Variants in FIG4 observed in about 807,000 individuals in gnomAD.
The protein encoded by FIG4 is FIG4 phosphoinositide 5-phosphatase.
A neutral mutation model predicts 118.6 loss-of-function variants in FIG4; 112 were observed. That is an observed-to-expected ratio of 0.94 (90% CI 0.81 to 1.11). FIG4 has a LOEUF of 1.11. FIG4 is among the 50% of genes least tolerant of loss of function. The pLI, the probability that FIG4 is intolerant of heterozygous loss-of-function variation, is 0.00. For missense variants in FIG4, 969 were observed against 1,111.7 expected (o/e 0.87, Z 1.83); for synonymous variants, 369 against 381.2 (o/e 0.97, Z 0.37).
At chr6:109,749,787 A>G (rs1776635021) in intron 10 of FIG4, among the ~76,000 whole-genome samples, 3 of 152,106 alleles carry the variant, frequency 2.0e-5, no homozygotes, top group African/African-American at 7.2e-5. Context: ...TCACATGTAC[A>G]TTTATTTTTT....
intron 1 of FIG4, among the ~76,000 whole-genome samples, chr6:109,692,705 T>A (rs1774535639): frequency 6.6e-6 from 1 of 151,888 alleles, no homozygotes. Context: ...ACTTTTTTTT[T>A]TTTCCCTTTG....
intron 22 of FIG4, among the ~76,000 whole-genome samples, chr6:109,805,060 T>A (rs1778526003): frequency 6.6e-6 from 1 of 152,182 alleles, no homozygotes; most frequent in Non-Finnish European, 1.5e-5. Context: ...TATTTGTAAG[T>A]TTTTACTTTA....
At chr6:109,730,756 A>C (rs189465281) in intron 4 of FIG4, among the ~76,000 whole-genome samples, 316 of 152,330 alleles carry the variant, frequency 2.1e-3, no homozygotes, top group African/African-American at 7.4e-3. Flanking sequence ...GATAATATTC[A>C]GGAAGCAATT....
rs147574282 is a variant in FIG4 at position 109,741,149 on chromosome 6, C to T, written c.776-295C>T. ...CAGAAGGATTAGTTGTACTTGTTTA[C>T]ATCCTTACTTGGCCATAGGGCTTTC... On this transcript the variant is annotated intron_variant, in intron 7 of 22. Transcript: ENST00000230124. Among the ~76,000 whole-genome samples the T allele has an allele frequency of 4.6e-5, 7 of 152,250 alleles. No homozygotes were observed. In the East Asian group the frequency reaches 1.2e-3, roughly 25 times the overall value.
At chr6:109,808,610 T>G (rs533835704) in intron 22 of FIG4, among the ~76,000 whole-genome samples, 1 of 152,302 alleles carries the variant, frequency 6.6e-6, no homozygotes, top group Admixed American at 6.5e-5. Context: ...TGCTTTTTTT[T>G]TGTGAGCTAA....
intron 22 of FIG4, among the ~76,000 whole-genome samples, chr6:109,819,715 T>C (rs1358843354): frequency 6.6e-6 from 1 of 152,154 alleles, no homozygotes; most frequent in Non-Finnish European, 1.5e-5. Flanking sequence ...GTGATCCGCC[T>C]GCCTCAGCCT....
Position 109,743,239 on chromosome 6 carries a change from A to G in FIG4, c.1006A>G (p.Ile336Val), listed in dbSNP as rs570270584. 4 of 1,612,974 alleles carry G rather than the reference A, an allele frequency of 2.5e-6. No homozygotes were observed. The highest frequency in any genetic ancestry group is 2.2e-5 in the East Asian group (1 of 44,780). ...GSVPLYWSQD[I>V]STMMPKPPIT... ...TGTGCCCTTATACTGGTCTCAGGAC[A>G]TTTCAACTATGATGCCTAAACCACC... Residue 336 changes from isoleucine to valine, a missense_variant, in exon 9 of 23, where the codon ATT (isoleucine) becomes GTT (valine). By Grantham distance (29) the Ile-to-Val change is conservative (BLOSUM62 3). This residue lies in a region of FIG4 where 246 missense variants were observed against 354.3 expected (regional missense o/e 0.69). Transcript: ENST00000230124.
At chr6:109,707,265 ATG>A (rs199919875) in intron 1 of FIG4, among the ~76,000 whole-genome samples, 7 of 146,608 alleles carry the variant, frequency 4.8e-5, no homozygotes, top group South Asian at 2.1e-4. Flanking sequence ...TTATAAACTG[ATG>A]TGTGTGTGTG....
At chr6:109,705,747 G>A (rs143309644) in intron 1 of FIG4, among the ~76,000 whole-genome samples, 336 of 152,282 alleles carry the variant, frequency 2.2e-3, no homozygotes, top group Non-Finnish European at 3.8e-3. Flanking sequence ...TTTAGGTTTC[G>A]TAGGATTTAT....
chr6:109,691,526 G>T, intron 1 of FIG4, 25 bp downstream of exon 1: 1 of 1,552,598 alleles, frequency 6.4e-7, no homozygotes, highest in Non-Finnish European at 8.7e-7. Context: ...GCGGCGGGGC[G>T]CAGGCGGGAG....
At chr6:109,810,859 A>G (rs969008993) in intron 22 of FIG4, among the ~76,000 whole-genome samples, 5 of 152,182 alleles carry the variant, frequency 3.3e-5, no homozygotes, top group Admixed American at 6.5e-5. Context: ...CTAGCTGTCT[A>G]TAGTTGTCCC....
At chr6:109,768,793 C>T (rs1369322435) in intron 15 of FIG4, among the ~76,000 whole-genome samples, 6 of 152,106 alleles carry the variant, frequency 3.9e-5, no homozygotes, top group Non-Finnish European at 5.9e-5. Context: ...CCCACAAACA[C>T]GGGGGAAATC....
Position 109,765,082 on chromosome 6 carries a change from A to G in FIG4, c.1504A>G (p.Lys502Glu), listed in dbSNP as rs377415632. ...RTNTAQFMVG[K>E]CALAYQLYSL... Reference sequence around the variant, plus strand: ...CAACACAGCACAGTTTATGGTGGGAAAATGTGCTCTGGCCTATCAGCTGTA... The same window carrying G: ...CAACACAGCACAGTTTATGGTGGGAGAATGTGCTCTGGCCTATCAGCTGTA... Residue 502 changes from lysine to glutamate, a missense_variant, in exon 14 of 23, where the codon AAA becomes GAA. Transcript: ENST00000230124. 11 of 1,613,912 alleles carry G rather than the reference A, an allele frequency of 6.8e-6. No individual in the cohort carries two copies. In the African/African-American group the frequency reaches 1.3e-4, roughly 20 times the overall value.
chr6:109,794,351 T>C (rs1778219066), intron 21 of FIG4, among the ~76,000 whole-genome samples: 1 of 152,162 alleles, frequency 6.6e-6, no homozygotes, highest in African/African-American at 2.4e-5. Flanking sequence ...TCCTTTTTGT[T>C]CTCTTGATCA....
intron 12 of FIG4, 111 bp downstream of exon 12, chr6:109,762,318 G>A (rs1777136074): frequency 2.8e-6 from 2 of 721,824 alleles, no homozygotes; most frequent in African/African-American, 1.7e-5. Flanking sequence ...GTCCTGGGGG[G>A]AGGCACACTG....
intron 18 of FIG4, among the ~76,000 whole-genome samples, chr6:109,787,978 G>A (rs998605887): frequency 1.4e-4 from 21 of 152,064 alleles, no homozygotes; most frequent in African/African-American, 5.1e-4. Context: ...ACATGCATTA[G>A]CTAGAAACTG....
intron 18 of FIG4, among the ~76,000 whole-genome samples, chr6:109,789,092 A>C (rs1162249890): frequency 6.6e-6 from 1 of 152,230 alleles, no homozygotes; most frequent in African/African-American, 2.4e-5. Flanking sequence ...CTACCTCCTT[A>C]GGTGGTATAG....
At chr6:109,736,911 A>G (rs1776174657) in intron 6 of FIG4, among the ~76,000 whole-genome samples, 1 of 152,084 alleles carries the variant, frequency 6.6e-6, no homozygotes, top group Admixed American at 6.6e-5. Context: ...TGGGGGCTGC[A>G]TTCATCCCCT....
chr6:109,762,081 C>A lies in FIG4; in HGVS notation c.1272-10C>A. 2 of 1,537,648 alleles carry A rather than the reference C, an allele frequency of 1.3e-6. No individual in the cohort carries two copies. Among genetic ancestry groups the A allele is most frequent in the Non-Finnish European group, 1.8e-6 (2 of 1,110,380 alleles). On this transcript the variant is annotated splice_polypyrimidine_tract_variant and intron_variant, in intron 11 of 22. Transcript: ENST00000230124. ...CTTCTCACTTTTCTCATTCTTCCTT[C>A]TCTCCTCAGCAAGCTGTGTAATGTT...
Sources: gnomAD v4.1 joint callset for allele counts (sites outside exome capture counted in the v4.1 genomes callset) on GRCh38, gnomAD v4.1.1 for gene constraint, gnomAD v4.1.1 regional missense constraint, MANE v1.5 for transcripts, NCBI Gene and HGNC (gene_info 2026-07-23, HGNC 2026-07-21) for gene names.